RSU1: variants seen among roughly 807,000 people sequenced by gnomAD.
The protein encoded by RSU1 is Ras suppressor protein 1.
Under a neutral mutation model 31.1 loss-of-function variants are expected in RSU1, and 26 were observed. The observed-to-expected ratio is 0.84, with a 90% CI of 0.61 to 1.16. The LOEUF (loss-of-function observed/expected upper bound fraction) is 1.16, where lower values mean the gene tolerates loss of function less well. Ranked by LOEUF, RSU1 falls within the 50% of genes most tolerant of loss-of-function variation. The pLI is 0.00. For missense variants in RSU1, 320 were observed against 339.1 expected, an observed-to-expected ratio of 0.94 and a Z score of 0.44; for synonymous variants, 164 against 136.3, an observed-to-expected ratio of 1.20 and a Z score of -1.41.
chr10:16,653,342 A>C (rs1420825694), intron 8 of RSU1, among the ~76,000 whole-genome samples: 1 of 152,238 alleles, frequency 6.6e-6, no homozygotes, highest in Non-Finnish European at 1.5e-5. Context: ...GGATACAAAT[A>C]GATCTCTAAA....
chr10:16,807,049 G>C (rs67042207), intron 2 of RSU1, among the ~76,000 whole-genome samples: 23,228 of 152,118 alleles, frequency 0.15, 2,241 homozygotes, highest in East Asian at 0.31. Context: ...GCATGAGTCA[G>C]GCTGGGATTA....
chr10:16,761,766 G>A (rs1474627751), intron 4 of RSU1, among the ~76,000 whole-genome samples: 1 of 152,148 alleles, frequency 6.6e-6, no homozygotes, highest in Non-Finnish European at 1.5e-5. Context: ...TGAGGCAGGA[G>A]AATCTCCTGA....
At chr10:16,593,787 TTA>T (rs1489214568) in intron 8 of RSU1, among the ~76,000 whole-genome samples, 1 of 152,218 alleles carries the variant, frequency 6.6e-6, no homozygotes, top group African/African-American at 2.4e-5. Flanking sequence ...GTTCAAAAGC[TTA>T]TGAGTGTTTA....
intron 2 of RSU1, among the ~76,000 whole-genome samples, chr10:16,789,191 A>C (rs1404717695): frequency 6.6e-6 from 1 of 152,204 alleles, no homozygotes; most frequent in East Asian, 1.9e-4. Flanking sequence ...GAAACTAAAA[A>C]AGTTTAAAAG....
intron 2 of RSU1, among the ~76,000 whole-genome samples, chr10:16,813,384 G>A (rs189509005): frequency 6.6e-6 from 1 of 152,106 alleles, no homozygotes; most frequent in Non-Finnish European, 1.5e-5. Flanking sequence ...TTACCCAGTC[G>A]AGTTAACAAA....
chr10:16,661,414 C>T (rs1338603883), intron 8 of RSU1, among the ~76,000 whole-genome samples: 2 of 151,272 alleles, frequency 1.3e-5, no homozygotes, highest in Non-Finnish European at 2.9e-5. Context: ...CAGATTTATG[C>T]TTATCTCTAC....
intron 7 of RSU1, among the ~76,000 whole-genome samples, chr10:16,712,179 AAT>A (rs1387238707): frequency 6.6e-6 from 1 of 151,902 alleles, no homozygotes; most frequent in Admixed American, 6.6e-5. Context: ...GTTTGTATGG[AAT>A]ATGTTTTTCC....
intron 8 of RSU1, among the ~76,000 whole-genome samples, chr10:16,664,946 TTTC>T (rs1397438208): frequency 6.6e-6 from 1 of 151,066 alleles, no homozygotes; most frequent in Non-Finnish European, 1.5e-5. Flanking sequence ...TTTTTCTTTC[TTTC>T]TTCTTTTTTT....
intron 7 of RSU1, among the ~76,000 whole-genome samples, chr10:16,710,673 T>C (rs960749454): frequency 6.8e-6 from 1 of 148,048 alleles, no homozygotes; most frequent in East Asian, 2.1e-4. Flanking sequence ...TAAATTTTTT[T>C]ATTTTTTATT....
At chr10:16,771,108 T>A (rs533518351) in intron 3 of RSU1, among the ~76,000 whole-genome samples, 1 of 152,352 alleles carries the variant, frequency 6.6e-6, no homozygotes, top group African/African-American at 2.4e-5. Flanking sequence ...TAAAATTAGC[T>A]TGTTATTTAG....
chr10:16,792,495 C>T (rs957510938), intron 2 of RSU1, among the ~76,000 whole-genome samples: 6 of 152,180 alleles, frequency 3.9e-5, no homozygotes, highest in African/African-American at 1.4e-4. Context: ...CCTCCCAAAG[C>T]GCTGGGATTA....
chr10:16,598,381 G>A (rs1325354305), intron 8 of RSU1, among the ~76,000 whole-genome samples: 5 of 145,294 alleles, frequency 3.4e-5, no homozygotes, highest in African/African-American at 1.4e-4. Flanking sequence ...TCTACAAAAA[G>A]TAAAGTAAAA....
chr10:16,709,285 G>A (rs948086033), intron 7 of RSU1, among the ~76,000 whole-genome samples: 1 of 152,042 alleles, frequency 6.6e-6, no homozygotes, highest in African/African-American at 2.4e-5. Context: ...TGAGAATGAT[G>A]ATTTCCAATT....
intron 8 of RSU1, among the ~76,000 whole-genome samples, chr10:16,686,089 C>T (rs1002873416): frequency 6.6e-6 from 1 of 152,044 alleles, no homozygotes; most frequent in African/African-American, 2.4e-5. Context: ...AAATAACTGA[C>T]AACACAGAAG....
chr10:16,734,423 T>A (rs1836582650), intron 7 of RSU1, among the ~76,000 whole-genome samples: 1 of 152,204 alleles, frequency 6.6e-6, no homozygotes, highest in Non-Finnish European at 1.5e-5. Context: ...AGTCAGTGGA[T>A]GGAACCTAGA....
At chr10:16,648,805 TAAATAA>T (rs1287166848) in intron 8 of RSU1, among the ~76,000 whole-genome samples, 1 of 150,670 alleles carries the variant, frequency 6.6e-6, no homozygotes, top group East Asian at 1.9e-4. Context: ...AATAAATAAA[TAAATAA>T]ATAGCTTTGC....
intron 7 of RSU1, among the ~76,000 whole-genome samples, chr10:16,696,062 C>T (rs770935666): frequency 1.3e-5 from 2 of 152,148 alleles, no homozygotes; most frequent in South Asian, 2.1e-4. Flanking sequence ...TCCTAAAATG[C>T]GCTCGCCTAT....
chr10:16,682,574 G>GCACACACACACACACACACACA lies in RSU1; in HGVS notation c.731+12448_731+12449insTGTGTGTGTGTGTGTGTGTGTG, dbSNP rs71200966. ...CACACACACACACACACACACACATGCATGCATGTTACCTAGGGTGGACAT... is the reference window on the plus strand; with the variant it reads ...CACACACACACACACACACACACATGCACACACACACACACACACACACATGCATGTTACCTAGGGTGGACAT... On this transcript the variant is annotated intron_variant, in intron 8 of 8. Coordinates refer to ENST00000345264, the MANE Select transcript of RSU1 (RefSeq NM_012425.4). Among the ~76,000 whole-genome samples, 33 of 138,170 alleles carry GCACACACACACACACACACACA rather than the reference G, an allele frequency of 2.4e-4. 2 individuals are homozygous for GCACACACACACACACACACACA. The highest frequency in any genetic ancestry group is 8.4e-4 in the African/African-American group (30 of 35,858). 90.6% of individuals were successfully genotyped at this position (138,170 alleles called of 152,430 possible).
intron 3 of RSU1, among the ~76,000 whole-genome samples, chr10:16,775,404 A>G (rs566399431): frequency 1.6e-4 from 24 of 152,138 alleles, no homozygotes; most frequent in African/African-American, 5.8e-4. Flanking sequence ...TTAAAAATAT[A>G]TTGTGGAGGA....
Sources: allele counts gnomAD v4.1 joint callset (sites outside exome capture counted in the v4.1 genomes callset), GRCh38; gene constraint gnomAD v4.1.1; transcripts MANE v1.5; gene names NCBI Gene and HGNC (gene_info 2026-07-23, HGNC 2026-07-21).